Variants in ARGLU1 observed in about 807,000 individuals in gnomAD.
ARGLU1 encodes the protein arginine and glutamate-rich protein 1.
A neutral mutation model predicts 37.6 loss-of-function variants in ARGLU1; 9 were observed. That is an observed-to-expected ratio of 0.24 (90% CI 0.14 to 0.42). ARGLU1 has a LOEUF of 0.42. Ranked by LOEUF, ARGLU1 falls within the 10% of genes least tolerant of loss-of-function variation. The pLI, the probability that ARGLU1 is intolerant of heterozygous loss-of-function variation, is 1.00. For synonymous variants in ARGLU1, 166 were observed against 138.5 expected (o/e 1.20, Z -1.39); for missense variants, 211 against 359.2 (o/e 0.59, Z 3.34).
intron 3 of ARGLU1, among the ~76,000 whole-genome samples, chr13:106,554,788 G>A (rs1880620658): frequency 6.6e-6 from 1 of 151,856 alleles, no homozygotes; most frequent in Admixed American, 6.6e-5. Context: ...AGGAGGCTGA[G>A]GCAGGAGGAT....
intron 3 of ARGLU1, among the ~76,000 whole-genome samples, chr13:106,556,153 T>C (rs1206332637): frequency 6.6e-6 from 1 of 152,220 alleles, no homozygotes; most frequent in Non-Finnish European, 1.5e-5. Flanking sequence ...GACTCATCCA[T>C]TTCACATTCC....
At chr13:106,560,518 G>GT (rs1880768593) in intron 1 of ARGLU1, among the ~76,000 whole-genome samples, 1 of 152,106 alleles carries the variant, frequency 6.6e-6, no homozygotes. Context: ...CTGAAATTTA[G>GT]TATGAAGAAA....
At chr13:106,564,805 T>C (rs925493233) in intron 1 of ARGLU1, among the ~76,000 whole-genome samples, 1 of 152,194 alleles carries the variant, frequency 6.6e-6, no homozygotes, top group Non-Finnish European at 1.5e-5. Context: ...GTGCTCACAG[T>C]GAAGGCACCA....
chr13:106,553,897 T>A (rs577147530), intron 3 of ARGLU1, among the ~76,000 whole-genome samples: 7 of 152,350 alleles, frequency 4.6e-5, no homozygotes, highest in South Asian at 4.1e-4. Flanking sequence ...TTAGCATACA[T>A]AAAGTTGGAT....
intron 3 of ARGLU1, among the ~76,000 whole-genome samples, chr13:106,547,017 C>T (rs1224523803): frequency 6.6e-6 from 1 of 152,020 alleles, no homozygotes; most frequent in Non-Finnish European, 1.5e-5. Flanking sequence ...TGTTATTACC[C>T]GAGTGGGATG....
chr13:106,567,947 C>T lies in ARGLU1; in HGVS notation c.-28G>A. ...TTCCGGGAGACGCTCTAACCGCTCG[C>T]CTCAGGCCCCTCACGCGGCCAGTTC... On this transcript the variant is annotated 5_prime_UTR_variant, in exon 1 of 4. Coordinates refer to ENST00000400198, the MANE Select transcript of ARGLU1 (RefSeq NM_018011.4). The surrounding 1 kb of genome is among the most constrained non-coding windows in gnomAD (Gnocchi z 4.3). 2 of 1,568,474 alleles carry T rather than the reference C, an allele frequency of 1.3e-6. No homozygotes were observed. The highest frequency in any genetic ancestry group is 1.7e-6 in the Non-Finnish European group (2 of 1,168,532).
At position 106,567,392 on chromosome 13, in the gene ARGLU1, C is replaced by T. The variant is rs1041838028; in HGVS notation, c.347+181G>A. On this transcript the variant is annotated intron_variant, in intron 1 of 3. Coordinates refer to ENST00000400198, the MANE Select transcript of ARGLU1 (RefSeq NM_018011.4). The surrounding 1 kb of genome is among the most constrained non-coding windows in gnomAD (Gnocchi z 4.3). ...ACTTCTGGGTCTGTCCCACCCCAAG[C>T]TTTCCAAACGCCAAGCCTGCCCGCC... Among the ~76,000 whole-genome samples the T allele has an allele frequency of 6.6e-6, 1 of 152,070 alleles. No homozygotes were observed. The highest frequency in any genetic ancestry group is 6.5e-5 in the Admixed American group (1 of 15,284).
intron 3 of ARGLU1, among the ~76,000 whole-genome samples, chr13:106,556,760 C>G (rs1407662267): frequency 6.6e-6 from 1 of 151,970 alleles, no homozygotes; most frequent in African/African-American, 2.4e-5. Context: ...GTTTTTTAGG[C>G]ATAGGAGAAT....
At position 106,542,918 on chromosome 13, in the gene ARGLU1, A is replaced by C. The variant is rs976790513; in HGVS notation, c.*1078T>G. The stretch of plus-strand genomic sequence containing the variant: ...ACAATGAAAATGACTCGACCATCTT[A>C]GCCTTTTTTTGACAGTATAAAGCTA... On this transcript the variant is annotated 3_prime_UTR_variant, in exon 4 of 4. Coordinates refer to ENST00000400198, the MANE Select transcript of ARGLU1 (RefSeq NM_018011.4). The C allele has an allele frequency of 2.0e-5, 3 of 152,050 alleles. No homozygotes were observed. Among genetic ancestry groups the C allele is most frequent in the African/African-American group, 4.8e-5 (2 of 41,442 alleles). The allele number at this position is 152,050 out of a possible 1,614,324, so 9.4% of individuals were successfully genotyped here.
In ARGLU1 at chr13:106,543,522, T is replaced by G. The variant is rs1594186102; in HGVS notation, c.*474A>C. ...AAGAGCAACAGTATCACAAGGACACTGGTTTAACAATACACCACATAGGTC... is the reference window on the plus strand; with the variant it reads ...AAGAGCAACAGTATCACAAGGACACGGGTTTAACAATACACCACATAGGTC... On this transcript the variant is annotated 3_prime_UTR_variant, in exon 4 of 4. Coordinates refer to ENST00000400198, the MANE Select transcript of ARGLU1 (RefSeq NM_018011.4). 6.5e-6 allele frequency: 1 copy of G among 153,060 alleles called. No individual in the cohort carries two copies. The allele number at this position is 153,060 out of a possible 1,614,324, so 9.5% of individuals were successfully genotyped here.
chr13:106,545,776 G>C (rs940814469), intron 3 of ARGLU1, among the ~76,000 whole-genome samples: 1 of 152,192 alleles, frequency 6.6e-6, no homozygotes, highest in African/African-American at 2.4e-5. Context: ...GTCAAGTAAG[G>C]TTGGAGATAA....
rs1177488655 is a variant in ARGLU1 at position 106,567,619 on chromosome 13, G to T, written c.301C>A (p.Arg101=). The T allele has an allele frequency of 1.2e-6, 2 of 1,613,100 alleles. No individual in the cohort carries two copies. The highest frequency in any genetic ancestry group is 1.7e-6 in the Non-Finnish European group (2 of 1,179,574). ...TCCGCTTTCTTCTCCTCCTCCTCTC[G>T]CTTCTGCTTCTCGTCCAGGCTGCTG... is the stretch of plus-strand genomic sequence containing the variant. The part of the protein sequence containing the change: ...KRSSLDEKQK[R]EEEEKKAEFE... Residue 101 remains arginine, a synonymous_variant, in exon 1 of 4, where the codon CGA becomes AGA. Coordinates refer to ENST00000400198, the MANE Select transcript of ARGLU1 (RefSeq NM_018011.4). The surrounding 1 kb of genome is among the most constrained non-coding windows in gnomAD (Gnocchi z 4.3).
rs962899506 is a variant in ARGLU1, at chr13:106,557,301, C to T, written c.574-170G>A. On this transcript the variant is annotated intron_variant, in intron 2 of 3. Coordinates refer to ENST00000400198, the MANE Select transcript of ARGLU1 (RefSeq NM_018011.4). This position sits in a 1 kb window ranked among gnomAD's most constrained non-coding sequence, Gnocchi z 5.0. ...TGCAGTCACTAAAATTGGTTTCTAG[C>T]ACTAAATTTAAATCATCCCTCCCAG... The T allele has an allele frequency of 3.3e-5, 23 of 700,100 alleles. No homozygotes were observed. In the South Asian group the frequency reaches 5.0e-4, roughly 15 times the overall value. 43.4% of individuals were successfully genotyped at this position (700,100 alleles called of 1,614,324 possible).
chr13:106,551,004 A>G (rs1376110286), intron 3 of ARGLU1, among the ~76,000 whole-genome samples: 1 of 152,212 alleles, frequency 6.6e-6, no homozygotes, highest in Non-Finnish European at 1.5e-5. Flanking sequence ...ATCGTTCTCC[A>G]TAGATATTTC....
intron 2 of ARGLU1, chr13:106,558,395 T>C (rs1305610073): frequency 4.1e-6 from 4 of 985,286 alleles, no homozygotes; most frequent in African/African-American, 1.7e-5. Flanking sequence ...TATGTCAACT[T>C]GTCCACAATA....
At chr13:106,555,754 C>T (rs111556044) in intron 3 of ARGLU1, among the ~76,000 whole-genome samples, 2,007 of 152,212 alleles carry the variant, frequency 0.013, 22 homozygotes, top group Non-Finnish European at 0.022. Context: ...GAGGCCAAGC[C>T]GTCCCTAGCT....
rs530103515 is a variant in ARGLU1, at chr13:106,543,612, A to T, written c.*384T>A. ...TTTTCTTTTTTTATAAATATATAAAAAAACAAAAAGTCAGCAAAACCAGCA... is the reference window on the plus strand; with the variant it reads ...TTTTCTTTTTTTATAAATATATAAATAAACAAAAAGTCAGCAAAACCAGCA... On this transcript the variant is annotated 3_prime_UTR_variant, in exon 4 of 4. Coordinates refer to ENST00000400198, the MANE Select transcript of ARGLU1 (RefSeq NM_018011.4). 6.5e-6 allele frequency: 1 copy of T among 153,968 alleles called. No individual in the cohort carries two copies. The highest frequency in any genetic ancestry group is 2.4e-5 in the African/African-American group (1 of 41,604). 9.5% of individuals were successfully genotyped at this position (153,968 alleles called of 1,614,324 possible). A position where few individuals can be genotyped will look rare whatever the true frequency, so the allele number is the denominator to read the frequency against.
Position 106,559,529 on chromosome 13 carries a change from C to A in ARGLU1, c.476G>T (p.Arg159Leu). The A allele has an allele frequency of 1.2e-6, 2 of 1,614,212 alleles. No individual in the cohort carries two copies. The highest frequency in any genetic ancestry group is 1.7e-6 in the Non-Finnish European group (2 of 1,180,036). Residue 159 changes from arginine (R) to leucine (L), a missense_variant, in exon 2 of 4, where the codon CGA becomes CTA. This residue lies in a region of ARGLU1 where 80 missense variants were observed against 158.4 expected (regional missense o/e 0.51). Transcript: ENST00000400198. ...RKDEIEREVL[R>L]RVEEAKRIME... Reference sequence around the variant, plus strand: ...GATGCGTTTGGCTTCCTCCACCCTTCGGAGAACTTCTCGTTCAATTTCATC... The same window carrying A: ...GATGCGTTTGGCTTCCTCCACCCTTAGGAGAACTTCTCGTTCAATTTCATC...
At chr13:106,552,295 T>C (rs928586670) in intron 3 of ARGLU1, among the ~76,000 whole-genome samples, 2 of 152,216 alleles carry the variant, frequency 1.3e-5, no homozygotes, top group African/African-American at 2.4e-5. Context: ...TCTGTAAATC[T>C]AGAATTTATA....
Sources: allele counts gnomAD v4.1 joint callset (sites outside exome capture counted in the v4.1 genomes callset), GRCh38; gene constraint gnomAD v4.1.1; regional missense constraint gnomAD v4.1.1; non-coding constraint Gnocchi (gnomAD v3.1); transcripts MANE v1.5; gene names NCBI Gene and HGNC (gene_info 2026-07-23, HGNC 2026-07-21).